KRT78: variants seen among roughly 807,000 people sequenced by gnomAD.
KRT78 encodes the protein keratin 78.
Under a neutral mutation model 51.4 loss-of-function variants are expected in KRT78, and 55 were observed. That is an observed-to-expected ratio of 1.07 (90% confidence interval 0.86 to 1.34). The LOEUF (loss-of-function observed/expected upper bound fraction) is 1.34, where lower values mean the gene tolerates loss of function less well. Among genes scored for constraint, KRT78 ranks in the 40% most tolerant of loss-of-function variants. KRT78 has a pLI of 0.00. For missense variants in KRT78, 652 were observed against 649.4 expected (o/e 1.00, Z -0.04); for synonymous variants, 291 against 264.3 (o/e 1.10, Z -0.98).
chr12:52,848,691 C>G lies in KRT78; in HGVS notation c.240G>C (p.Pro80=), dbSNP rs111620175. 1.9e-6 allele frequency: 3 copies of G among 1,613,232 alleles called. No individual in the cohort carries two copies. Among genetic ancestry groups the G allele is most frequent in the African/African-American group, 2.7e-5 (2 of 74,958 alleles). Residue 80 remains proline, a synonymous_variant, in exon 1 of 9, where the codon CCG becomes CCC. Coordinates refer to ENST00000304620, the MANE Select transcript of KRT78 (RefSeq NM_173352.4). ...SGGPGLSLCP[P]GGIQEVTINQ... ...TGATGGTCACTTCTTGGATGCCCCC[C>G]GGAGGGCACAGGGAGAGCCCAGGCC...
rs1161830278 is a variant in KRT78, at chr12:52,839,474, A to T, written c.1282T>A (p.Cys428Ser). 1 of 1,601,678 alleles carries T rather than the reference A, an allele frequency of 6.2e-7. No homozygotes were observed. Among genetic ancestry groups the T allele is most frequent in the Non-Finnish European group, 8.5e-7 (1 of 1,174,304 alleles). Residue 428 changes from cysteine to serine, a missense_variant, in exon 8 of 9, where the codon TGC (cysteine) becomes AGC (serine). Coordinates refer to ENST00000304620, the MANE Select transcript of KRT78 (RefSeq NM_173352.4). Reference protein sequence around the residue: ...EGEECRMSGECTSQVTISSVG... With the variant: ...EGEECRMSGESTSQVTISSVG... ...TCACAGATAGTGACCTGGCTGGTGC[A>T]CTCCCCAGACATCCTAGGGGGAAAA...
chr12:52,846,000 T>C (rs2120422046), intron 4 of KRT78, 197 bp downstream of exon 4: 2 of 543,410 alleles, frequency 3.7e-6, no homozygotes, highest in East Asian at 5.9e-5. Context: ...TTTTTTCTGG[T>C]TATTCATTGA....
intron 1 of KRT78, 74 bp downstream of exon 1, chr12:52,848,473 C>T (rs1940699409): frequency 6.4e-7 from 1 of 1,572,994 alleles, no homozygotes; most frequent in African/African-American, 1.4e-5. Context: ...CCAAACTTCC[C>T]ATTTCCAAGT....
chr12:52,845,967 G>A, intron 4 of KRT78: 2 of 487,438 alleles, frequency 4.1e-6, no homozygotes, highest in Non-Finnish European at 7.2e-6. Flanking sequence ...AAAAAAAAAA[G>A]CAATTTTTTT....
In KRT78 at chr12:52,838,013, C is replaced by G. The variant is rs1940385016; in HGVS notation, c.*1100G>C. ...AGCTGGGATTCAAGCCACATCCTCA[C>G]CGGCTCTGGTCTCCTTCACACAAAG... On this transcript the variant is annotated 3_prime_UTR_variant, in exon 9 of 9. Coordinates refer to ENST00000304620, the MANE Select transcript of KRT78 (RefSeq NM_173352.4). 6.6e-6 allele frequency: 1 copy of G among 152,174 alleles called. No homozygotes were observed. Among genetic ancestry groups the G allele is most frequent in the Non-Finnish European group, 1.5e-5 (1 of 68,034 alleles). 9.4% of individuals were successfully genotyped at this position (152,174 alleles called of 1,614,324 possible). A position where few individuals can be genotyped will look rare whatever the true frequency, so the allele number is the denominator to read the frequency against.
chr12:52,848,415 G>A, intron 1 of KRT78, 132 bp downstream of exon 1: 2 of 1,420,528 alleles, frequency 1.4e-6, no homozygotes, highest in South Asian at 2.7e-5. Context: ...TAGTCCACAG[G>A]AGGGACTTCT....
At position 52,848,077 on chromosome 12, in the gene KRT78, C is replaced by T. The variant is rs756539697; in HGVS notation, c.429G>A (p.Trp143Ter). Residue 143 changes from tryptophan (W) to a stop codon, truncating the protein, a stop_gained, in exon 2 of 9, where the codon TGG (tryptophan) becomes TGA (stop). Coordinates refer to ENST00000304620, the MANE Select transcript of KRT78 (RefSeq NM_173352.4). LOFTEE classifies it high-confidence loss of function. ...EQQNKVLETK[W>*]HLLQQQGLSG... ...TCAACCCCTGTTGCTGCAGCAGATG[C>T]CACTTCGTCTCCAGGACCTTGTTCT... 5 of 1,614,074 alleles carry T rather than the reference C, an allele frequency of 3.1e-6. No individual in the cohort carries two copies. Among genetic ancestry groups the T allele is most frequent in the South Asian group, 1.1e-5 (1 of 91,082 alleles).
chr12:52,839,543 C>T, intron 7 of KRT78, 56 bp from the exon 8 acceptor site: 1 of 1,489,894 alleles, frequency 6.7e-7, no homozygotes, highest in South Asian at 1.3e-5. Flanking sequence ...AAGAATGCAT[C>T]CCCACGAGCT....
At chr12:52,839,688 G>A (rs1940435035) in intron 7 of KRT78, 76 bp downstream of exon 7, 1 of 1,436,718 alleles carries the variant, frequency 7.0e-7, no homozygotes, top group Non-Finnish European at 9.7e-7. Context: ...ATCCTCTTTA[G>A]CAAGCAGCTC....
chr12:52,842,959 G>GAGAGAGAGAGAAAGGAAGGA lies in KRT78; in HGVS notation c.1047+1133_1047+1134insTCCTTCCTTTCTCTCTCTCT, dbSNP rs1299063277. On this transcript the variant is annotated intron_variant, in intron 6 of 8. Coordinates refer to ENST00000304620, the MANE Select transcript of KRT78 (RefSeq NM_173352.4). Reference sequence around the variant, plus strand: ...AGAAAGAGAGAGAGAGAGAGAGAGAGAGGAAGGAAGGAAGGAAGGAAGGAA... The same window carrying GAGAGAGAGAGAAAGGAAGGA: ...AGAAAGAGAGAGAGAGAGAGAGAGAGAGAGAGAGAGAAAGGAAGGAAGGAAGGAAGGAAGGAAGGAAGGAA... Among the ~76,000 whole-genome samples, 138 of 53,756 alleles carry GAGAGAGAGAGAAAGGAAGGA rather than the reference G, an allele frequency of 2.6e-3. 6 individuals carry two copies. Among genetic ancestry groups the GAGAGAGAGAGAAAGGAAGGA allele is most frequent in the Admixed American group, 4.9e-3 (24 of 4,878 alleles). The allele number at this position is 53,756 out of a possible 152,430, so 35.3% of individuals were successfully genotyped here.
intron 2 of KRT78, among the ~76,000 whole-genome samples, chr12:52,847,067 C>T (rs923634107): frequency 1.3e-5 from 2 of 152,178 alleles, no homozygotes; most frequent in African/African-American, 4.8e-5. Context: ...ATTCGAATAC[C>T]TTTTCCCACT....
intron 7 of KRT78, 134 bp from the exon 8 acceptor site, chr12:52,839,621 C>T (rs1057025319): frequency 3.1e-6 from 4 of 1,279,900 alleles, no homozygotes; most frequent in Non-Finnish European, 4.3e-6. Flanking sequence ...AACTTAAAAT[C>T]CCTCTCTGCA....
rs899701403 is a variant in KRT78 at position 52,848,589 on chromosome 12, C to T, written c.342G>A (p.Glu114=). Residue 114 remains glutamate (E), a synonymous_variant, in exon 1 of 9, where the codon GAG becomes GAA. Coordinates refer to ENST00000304620, the MANE Select transcript of KRT78 (RefSeq NM_173352.4). ...FQVVRTQETQ[E]IRTLNNQFAS... ...CAAACTGGTTGTTGAGGGTTCTGAT[C>T]TCCTGGGTCTCCTGCGTCCGCACCA... 19 of 1,613,970 alleles carry T rather than the reference C, an allele frequency of 1.2e-5. No homozygotes were observed. Among genetic ancestry groups the T allele is most frequent in the Non-Finnish European group, 1.5e-5 (18 of 1,180,000 alleles).
chr12:52,846,412 C>T, intron 3 of KRT78, 120 bp from the exon 4 acceptor site: 1 of 717,646 alleles, frequency 1.4e-6, no homozygotes, highest in Non-Finnish European at 2.5e-6. Context: ...CCAAGACCCC[C>T]TCCTTCCTCC....
In KRT78 at chr12:52,846,193, T is replaced by G; in HGVS notation, c.756+4A>C. ...CTGCAGCCTGCCCTTTGGTTGAGCCTCACTTCTTCATTCAGATGCTTCAAG... is the reference window on the plus strand; with the variant it reads ...CTGCAGCCTGCCCTTTGGTTGAGCCGCACTTCTTCATTCAGATGCTTCAAG... On this transcript the variant is annotated splice_donor_region_variant and intron_variant, in intron 4 of 8. Coordinates refer to ENST00000304620, the MANE Select transcript of KRT78 (RefSeq NM_173352.4). 6.2e-7 allele frequency: 1 copy of G among 1,607,884 alleles called. No individual in the cohort carries two copies. Among genetic ancestry groups the G allele is most frequent in the African/African-American group, 1.3e-5 (1 of 74,744 alleles).
chr12:52,848,177 T>C (rs965558047), intron 1 of KRT78, 56 bp from the exon 2 acceptor site: 1 of 1,588,990 alleles, frequency 6.3e-7, no homozygotes, highest in Non-Finnish European at 8.6e-7. Context: ...GTGCACAGCC[T>C]CTGGAAAGTA....
chr12:52,840,071 C>T, intron 6 of KRT78, 87 bp from the exon 7 acceptor site: 1 of 924,066 alleles, frequency 1.1e-6, no homozygotes, highest in Non-Finnish European at 1.7e-6. Flanking sequence ...CACTTGAAGG[C>T]TGGGGCGGAT....
chr12:52,840,668 C>T (rs1019751556), intron 6 of KRT78, among the ~76,000 whole-genome samples: 2 of 152,128 alleles, frequency 1.3e-5, no homozygotes, highest in African/African-American at 4.8e-5. Context: ...GATCATGCCA[C>T]TGCACTCCAG....
At chr12:52,844,477 A>T in intron 5 of KRT78, 82 bp downstream of exon 5, 8 of 1,471,090 alleles carry the variant, frequency 5.4e-6, no homozygotes, top group Non-Finnish European at 7.4e-6. Context: ...CCCCAATGGG[A>T]TCGAGGTGGA....
Sources: allele counts gnomAD v4.1 joint callset (sites outside exome capture counted in the v4.1 genomes callset), GRCh38; gene constraint gnomAD v4.1.1; transcripts MANE v1.5; gene names NCBI Gene and HGNC (gene_info 2026-07-23, HGNC 2026-07-21).